NPFFR2: variants seen among roughly 807,000 people sequenced by gnomAD.
NPFFR2 encodes the protein G-protein coupled receptor 74.
In NPFFR2, 15 loss-of-function variants were observed where a neutral mutation model predicts 13.1. The observed-to-expected ratio is 1.15, with a 90% confidence interval of 0.77 to 1.76. NPFFR2 has a LOEUF of 1.76. Ranked by LOEUF, NPFFR2 falls within the 40% of genes most tolerant of loss-of-function variation. The pLI, the probability that NPFFR2 is intolerant of heterozygous loss-of-function variation, is 0.00. For missense variants in NPFFR2, 572 were observed against 503.5 expected, an observed-to-expected ratio of 1.14 and a Z score of -1.30; for synonymous variants, 190 against 175.7, an observed-to-expected ratio of 1.08 and a Z score of -0.65.
rs548873756 is a variant in NPFFR2, at chr4:72,088,396, T to TA, written c.-7-40182dup. On this transcript the variant is annotated intron_variant, in intron 1 of 3. Coordinates refer to ENST00000308744, the MANE Select transcript of NPFFR2 (RefSeq NM_004885.3). Reference sequence around the variant, plus strand: ...AAGATGAATTTTAAGGAGCAGATTTTAAAAAAATTATTCAAAGTAAGTAAT... The same window carrying TA: ...AAGATGAATTTTAAGGAGCAGATTTTAAAAAAAATTATTCAAAGTAAGTAAT... Among the ~76,000 whole-genome samples the TA allele has an allele frequency of 3.6e-3, 544 of 152,108 alleles. 1 individual carries two copies. Among genetic ancestry groups the TA allele is most frequent in the Non-Finnish European group, 6.4e-3 (433 of 67,956 alleles).
intron 1 of NPFFR2, among the ~76,000 whole-genome samples, chr4:72,114,625 T>C (rs778952783): frequency 6.6e-6 from 1 of 151,692 alleles, no homozygotes; most frequent in Non-Finnish European, 1.5e-5. Context: ...ATTCAAGCAA[T>C]AAAAAGTAGT....
chr4:72,063,002 A>C (rs371174687), intron 1 of NPFFR2, among the ~76,000 whole-genome samples: 5 of 152,336 alleles, frequency 3.3e-5, no homozygotes, highest in African/African-American at 9.6e-5. Flanking sequence ...GGTTGTAATT[A>C]TTGCAGCAAC....
intron 2 of NPFFR2, among the ~76,000 whole-genome samples, chr4:72,131,766 G>A (rs1452566077): frequency 1.3e-5 from 2 of 152,088 alleles, no homozygotes; most frequent in Admixed American, 6.6e-5. Flanking sequence ...TTTTTGCCTA[G>A]GGTTGAAGGA....
intron 1 of NPFFR2, among the ~76,000 whole-genome samples, chr4:72,032,870 AACT>A: frequency 6.6e-6 from 1 of 152,340 alleles, no homozygotes; most frequent in South Asian, 2.1e-4. Flanking sequence ...TTAAAGACAG[AACT>A]ACTAACTAAA....
In NPFFR2 at chr4:72,100,041, T is replaced by TAA. The variant is rs531221532; in HGVS notation, c.-7-28540_-7-28539dup. ...TTAAATTATAGCTTCATATTTGATA[T>TAA]AAAAATTCTGACTTCTAACTTAATA... On this transcript the variant is annotated intron_variant, in intron 1 of 3. Coordinates refer to ENST00000308744, the MANE Select transcript of NPFFR2 (RefSeq NM_004885.3). Among the ~76,000 whole-genome samples the TAA allele has an allele frequency of 2.0e-3, 302 of 152,308 alleles. 1 individual carries two copies. Among genetic ancestry groups the TAA allele is most frequent in the Middle Eastern group, 6.8e-3 (2 of 294 alleles).
chr4:72,078,699 G>A (rs1253989344), intron 1 of NPFFR2, among the ~76,000 whole-genome samples: 1 of 152,052 alleles, frequency 6.6e-6, no homozygotes, highest in Admixed American at 6.6e-5. Context: ...TGTGGTATTG[G>A]TGAAGAAATT....
At chr4:72,124,133 G>A (rs1273114584) in intron 1 of NPFFR2, among the ~76,000 whole-genome samples, 1 of 152,094 alleles carries the variant, frequency 6.6e-6, no homozygotes, top group Non-Finnish European at 1.5e-5. Context: ...GAAAAATAGA[G>A]CCAAATCATG....
At position 72,147,853 on chromosome 4, in the gene NPFFR2, A is replaced by G; in HGVS notation, c.*41A>G. 1.5e-6 allele frequency: 2 copies of G among 1,372,716 alleles called. No individual in the cohort carries two copies. Among genetic ancestry groups the G allele is most frequent in the Middle Eastern group, 1.9e-4 (1 of 5,280 alleles). The allele number at this position is 1,372,716 out of a possible 1,614,324, so 85.0% of individuals were successfully genotyped here. A position where few individuals can be genotyped will look rare whatever the true frequency, so the allele number is the denominator to read the frequency against. On this transcript the variant is annotated 3_prime_UTR_variant, in exon 4 of 4. Transcript: ENST00000308744. The stretch of plus-strand genomic sequence containing the variant: ...TAATCCTAACTCTACTACGCATTAT[A>G]TATTTAAATCCATTGCTTTTTGTGG...
intron 1 of NPFFR2, among the ~76,000 whole-genome samples, chr4:72,094,150 TGA>T (rs1720989102): frequency 6.6e-6 from 1 of 152,188 alleles, no homozygotes; most frequent in Non-Finnish European, 1.5e-5. Context: ...ACCTGGTGCT[TGA>T]GAGTGTTTCC....
chr4:72,140,243 CT>C (rs2109845888), intron 3 of NPFFR2, among the ~76,000 whole-genome samples: 2 of 152,276 alleles, frequency 1.3e-5, no homozygotes, highest in South Asian at 4.1e-4. Flanking sequence ...ATTGAATACA[CT>C]TTATTGCTTT....
chr4:72,129,014 A>C (rs942734542), intron 2 of NPFFR2, 95 bp downstream of exon 2: 53 of 979,564 alleles, frequency 5.4e-5, no homozygotes, highest in African/African-American at 5.2e-4. Flanking sequence ...TCATTTATTT[A>C]CATATATTTA....
At chr4:72,088,133 G>A (rs761256890) in intron 1 of NPFFR2, among the ~76,000 whole-genome samples, 27 of 151,906 alleles carry the variant, frequency 1.8e-4, no homozygotes, top group Non-Finnish European at 1.3e-4. Flanking sequence ...GGATAATAGC[G>A]ACTTAAAATA....
intron 1 of NPFFR2, among the ~76,000 whole-genome samples, chr4:72,050,106 G>T (rs1352001739): frequency 6.6e-6 from 1 of 152,002 alleles, no homozygotes; most frequent in Non-Finnish European, 1.5e-5. Flanking sequence ...AACAAATCAT[G>T]CCTATGTAAT....
intron 1 of NPFFR2, among the ~76,000 whole-genome samples, chr4:72,114,666 A>G (rs911630594): frequency 6.6e-6 from 1 of 152,186 alleles, no homozygotes; most frequent in African/African-American, 2.4e-5. Context: ...TCACCTTATA[A>G]CACAATCTTC....
chr4:72,078,471 G>A (rs971414711), intron 1 of NPFFR2, among the ~76,000 whole-genome samples: 2 of 152,072 alleles, frequency 1.3e-5, no homozygotes, highest in Admixed American at 1.3e-4. Flanking sequence ...TTTTGAAAGA[G>A]GACAGAAGAC....
At chr4:72,102,214 T>C (rs1470024934) in intron 1 of NPFFR2, among the ~76,000 whole-genome samples, 3 of 152,026 alleles carry the variant, frequency 2.0e-5, no homozygotes, top group Non-Finnish European at 4.4e-5. Flanking sequence ...ACGAGATCAA[T>C]TGGGTCCTGT....
At chr4:72,138,589 A>G (rs921728647) in intron 3 of NPFFR2, among the ~76,000 whole-genome samples, 1 of 152,064 alleles carries the variant, frequency 6.6e-6, no homozygotes, top group Admixed American at 6.5e-5. Flanking sequence ...AAGGACATGA[A>G]CTCATCCTTT....
chr4:72,126,264 A>C (rs1722041615), intron 1 of NPFFR2, among the ~76,000 whole-genome samples: 1 of 152,246 alleles, frequency 6.6e-6, no homozygotes, highest in Non-Finnish European at 1.5e-5. Context: ...TCTTGTGGGT[A>C]GATAATTTCA....
At chr4:72,083,872 A>G (rs1217696316) in intron 1 of NPFFR2, among the ~76,000 whole-genome samples, 1 of 152,156 alleles carries the variant, frequency 6.6e-6, no homozygotes, top group African/African-American at 2.4e-5. Flanking sequence ...TTTCCAACAT[A>G]GGTAAATGTT....
Sources: gnomAD v4.1 joint callset for allele counts (sites outside exome capture counted in the v4.1 genomes callset) on GRCh38, gnomAD v4.1.1 for gene constraint, MANE v1.5 for transcripts, NCBI Gene and HGNC (gene_info 2026-07-23, HGNC 2026-07-21) for gene names.